The following CLN6 variants were observed in gnomAD, a reference collection of about 807,000 sequenced individuals.
CLN6 encodes CLN6 transmembrane ER protein.
Under a neutral mutation model 33.3 loss-of-function variants are expected in CLN6, and 22 were observed. That is an observed-to-expected ratio of 0.66 (90% CI 0.47 to 0.94). CLN6 has a LOEUF of 0.94. CLN6 is among the 40% of genes least tolerant of loss of function. The probability of loss-of-function intolerance (pLI) is 0.00; values close to 1 mark genes in which losing one functional copy is unlikely to be tolerated. For missense variants in CLN6, 387 were observed against 417.1 expected (o/e 0.93, Z 0.63); for synonymous variants, 201 against 174.6 (o/e 1.15, Z -1.19).
chr15:68,232,160 AT>A (rs5813478), upstream of CLN6, among the ~76,000 whole-genome samples: 16 of 142,432 alleles, frequency 1.1e-4, no homozygotes, highest in African/African-American at 4.2e-4. This position sits in a 1 kb window ranked among gnomAD's most constrained non-coding sequence, Gnocchi z 4.7. Context: ...TGTATCCGAT[AT>A]TTTTTTTTTT....
intron 3 of CLN6, 90 bp downstream of exon 3, chr15:68,214,200 T>G: frequency 9.9e-7 from 1 of 1,012,530 alleles, no homozygotes; most frequent in South Asian, 1.3e-5. Context: ...GGAGCGTGCT[T>G]GAGTCAGGAC....
intron 1 of CLN6, among the ~76,000 whole-genome samples, chr15:68,237,327 A>G (rs974404657): frequency 2.6e-5 from 4 of 151,898 alleles, no homozygotes; most frequent in African/African-American, 9.7e-5. Flanking sequence ...CAAAAAAAAA[A>G]AAATTAAAAA....
upstream of CLN6, among the ~76,000 whole-genome samples, chr15:68,232,783 T>G (rs543564321): frequency 1.3e-5 from 2 of 152,192 alleles, no homozygotes; most frequent in African/African-American, 4.8e-5. The surrounding 1 kb of genome is among the most constrained non-coding windows in gnomAD (Gnocchi z 4.7). Flanking sequence ...GGCTCACACC[T>G]GTAATCCCAG....
chr15:68,218,708 C>T (rs1441858144), intron 1 of CLN6, 58 bp from the exon 2 acceptor site: 15 of 1,299,244 alleles, frequency 1.2e-5, no homozygotes, highest in Admixed American at 1.7e-5. Flanking sequence ...CCAAAATCTT[C>T]CCCTGAGATT....
At position 68,219,039 on chromosome 15, in the gene CLN6, T is replaced by TAAAC. The variant is rs201877132; in HGVS notation, c.84-390_84-389insGTTT. Reference sequence around the variant, plus strand: ...ACTTACTATATCCCAGGCACTACTGTTAGCTGTTTACATGTATTATCTCAT... The same window carrying TAAAC: ...ACTTACTATATCCCAGGCACTACTGTAAACTAGCTGTTTACATGTATTATCTCAT... On this transcript the variant is annotated intron_variant, in intron 1 of 6. Coordinates refer to ENST00000249806, the MANE Select transcript of CLN6 (RefSeq NM_017882.3). This position sits in a 1 kb window ranked among gnomAD's most constrained non-coding sequence, Gnocchi z 4.2. Among the ~76,000 whole-genome samples the TAAAC allele has an allele frequency of 2.6e-3, 402 of 152,296 alleles. 7 individuals are homozygous for TAAAC. Among genetic ancestry groups the TAAAC allele is most frequent in the Admixed American group, 0.023 (356 of 15,284 alleles).
rs1490938337 is a variant in CLN6, at chr15:68,220,029, A to G, written c.84-1379T>C. Among the ~76,000 whole-genome samples, 2 of 152,200 alleles carry G rather than the reference A, an allele frequency of 1.3e-5. No homozygotes were observed. The highest frequency in any genetic ancestry group is 2.9e-5 in the Non-Finnish European group (2 of 68,036). Reference sequence around the variant, plus strand: ...ACTGCAAAGACTGTCTTCTGTCGATACTGCTGTTGCTTCCCTAATTTTCTG... The same window carrying G: ...ACTGCAAAGACTGTCTTCTGTCGATGCTGCTGTTGCTTCCCTAATTTTCTG... On this transcript the variant is annotated intron_variant, in intron 1 of 6. Coordinates refer to ENST00000249806, the MANE Select transcript of CLN6 (RefSeq NM_017882.3). This position sits in a 1 kb window ranked among gnomAD's most constrained non-coding sequence, Gnocchi z 4.2.
rs753344266 is a variant in CLN6, at chr15:68,208,245, G to A, written c.831C>T (p.Val277=). 2.4e-5 allele frequency: 39 copies of A among 1,613,902 alleles called. No individual in the cohort carries two copies. The highest frequency in any genetic ancestry group is 1.6e-4 in the Middle Eastern group (1 of 6,084). ...GAACAGGGTCATTCCACAGCCAGGC[G>A]ACCCAGAGCGCCACAAGCAAGAGGG... ...ALTLLLVALW[V]AWLWNDPVLR... Residue 277 remains valine, a synonymous_variant, in exon 7 of 7, where the codon GTC becomes GTT. Transcript: ENST00000249806. This position sits in a 1 kb window ranked among gnomAD's most constrained non-coding sequence, Gnocchi z 5.8.
chr15:68,233,129 CTT>C (rs2093270561), upstream of CLN6, among the ~76,000 whole-genome samples: 1 of 152,186 alleles, frequency 6.6e-6, no homozygotes, highest in East Asian at 1.9e-4. This position sits in a 1 kb window ranked among gnomAD's most constrained non-coding sequence, Gnocchi z 4.3. Context: ...AGTGCACTCT[CTT>C]GTGTGCCCTC....
At chr15:68,255,648 T>C (rs1892426970) in intron 1 of CLN6, among the ~76,000 whole-genome samples, 3 of 152,244 alleles carry the variant, frequency 2.0e-5, no homozygotes, top group African/African-American at 4.8e-5. Flanking sequence ...TGTTTGCCCA[T>C]GCCCTGCCTG....
At chr15:68,229,444 T>C in intron 1 of CLN6, 58 bp downstream of exon 1, 1 of 1,310,692 alleles carries the variant, frequency 7.6e-7, no homozygotes, top group Non-Finnish European at 1.0e-6. Context: ...ACGTGGCGGG[T>C]CCCGAGGCCC....
At chr15:68,217,837 C>T (rs8039279) in intron 2 of CLN6, among the ~76,000 whole-genome samples, 1,684 of 152,048 alleles carry the variant, frequency 0.011, 30 homozygotes, top group African/African-American at 0.039. Flanking sequence ...ATTTTCTTCA[C>T]GTTCGTCTAT....
rs746980391 is a variant in CLN6 at position 68,220,908 on chromosome 15, C to T, written c.84-2258G>A. On this transcript the variant is annotated intron_variant, in intron 1 of 6. Transcript: ENST00000249806. This position sits in a 1 kb window ranked among gnomAD's most constrained non-coding sequence, Gnocchi z 4.2. ...TGGTGTGATCACAGCTCACTGCAGC[C>T]TTGGCCTCCCAGGCTCAAGCATTCC... is the stretch of plus-strand genomic sequence containing the variant. Among the ~76,000 whole-genome samples, 4 of 152,170 alleles carry T rather than the reference C, an allele frequency of 2.6e-5. No individual in the cohort carries two copies. Among genetic ancestry groups the T allele is most frequent in the Non-Finnish European group, 5.9e-5 (4 of 68,036 alleles).
rs988882378 is a variant in CLN6 at position 68,208,483 on chromosome 15, G to A, written c.666-73C>T. 28 of 1,567,556 alleles carry A rather than the reference G, an allele frequency of 1.8e-5. No individual in the cohort carries two copies. Among genetic ancestry groups the A allele is most frequent in the African/African-American group, 4.1e-5 (3 of 73,964 alleles). ...CTGCCTGGCATCCCTTCCTGTGTGC[G>A]AGAGCCAGGCTGCCCTCCAGGCAGG... On this transcript the variant is annotated intron_variant, in intron 6 of 6. Transcript: ENST00000249806. The surrounding 1 kb of genome is among the most constrained non-coding windows in gnomAD (Gnocchi z 5.8).
At chr15:68,224,242 G>A (rs1055597290) in intron 1 of CLN6, among the ~76,000 whole-genome samples, 1 of 143,298 alleles carries the variant, frequency 7.0e-6, no homozygotes, top group Non-Finnish European at 1.5e-5. Context: ...CTTTAGCCTG[G>A]GTGACAGAGT....
At chr15:68,229,818 G>C (rs372547124), upstream of CLN6, 1 of 223,114 alleles carries the variant, frequency 4.5e-6, no homozygotes, top group African/African-American at 2.3e-5. Flanking sequence ...CTCCGCTAGG[G>C]GAGGGCCGGG....
In CLN6 at chr15:68,208,465, G is replaced by A. The variant is rs530677679; in HGVS notation, c.666-55C>T. 310 of 1,602,544 alleles carry A rather than the reference G, an allele frequency of 1.9e-4. 1 individual carries two copies. In the Middle Eastern group the frequency reaches 2.7e-3, roughly 14 times the overall value. ...TGCCGTGGCAACCCCGTCCTGCCTGGCATCCCTTCCTGTGTGCGAGAGCCA... is the reference window on the plus strand; with the variant it reads ...TGCCGTGGCAACCCCGTCCTGCCTGACATCCCTTCCTGTGTGCGAGAGCCA... On this transcript the variant is annotated intron_variant, in intron 6 of 6. Transcript: ENST00000249806. The surrounding 1 kb of genome is among the most constrained non-coding windows in gnomAD (Gnocchi z 5.8).
chr15:68,251,278 G>A (rs143919479), intron 1 of CLN6, among the ~76,000 whole-genome samples: 145 of 152,204 alleles, frequency 9.5e-4, no homozygotes, highest in East Asian at 3.1e-3. Flanking sequence ...TAGTAAAGCC[G>A]AAATAAAATG....
rs1321395242 is a variant in CLN6, at chr15:68,256,912, A to G, written c.-44T>C. 2.5e-5 allele frequency: 16 copies of G among 641,868 alleles called. No homozygotes were observed. Among genetic ancestry groups the G allele is most frequent in the East Asian group, 1.9e-4 (7 of 36,588 alleles). 39.8% of individuals were successfully genotyped at this position (641,868 alleles called of 1,614,324 possible). ...CCTGGGCGCGGCTCTGGGGAGGGTC[A>G]GGGTGCGCGTCCCACCGCGTCGTGG... On this transcript the variant is annotated 5_prime_UTR_variant, in exon 1 of 7. Transcript: ENST00000538696. This position sits in a 1 kb window ranked among gnomAD's most constrained non-coding sequence, Gnocchi z 4.1.
chr15:68,207,716 G>C lies in CLN6; in HGVS notation c.*424C>G, dbSNP rs1243006161. On this transcript the variant is annotated 3_prime_UTR_variant, in exon 7 of 7. Coordinates refer to ENST00000249806, the MANE Select transcript of CLN6 (RefSeq NM_017882.3). The stretch of plus-strand genomic sequence containing the variant: ...CAGGGTGGGCCTGAGGGATGAGCCA[G>C]GTGGTGGGCAGGTGACACACCAGGT... The C allele has an allele frequency of 5.8e-5, 17 of 295,258 alleles. No homozygotes were observed. The highest frequency in any genetic ancestry group is 9.2e-5 in the Non-Finnish European group (14 of 152,482). 18.3% of individuals were successfully genotyped at this position (295,258 alleles called of 1,614,324 possible). A position where few individuals can be genotyped will look rare whatever the true frequency, so the allele number is the denominator to read the frequency against.
Sources: allele counts gnomAD v4.1 joint callset (sites outside exome capture counted in the v4.1 genomes callset), GRCh38; gene constraint gnomAD v4.1.1; non-coding constraint Gnocchi (gnomAD v3.1); transcripts MANE v1.5; gene names NCBI Gene and HGNC (gene_info 2026-07-23, HGNC 2026-07-21).